SPTAN1: variants seen among roughly 807,000 people sequenced by gnomAD.
SPTAN1 encodes the protein spectrin alpha, non-erythrocytic 1, also known as spectrin alpha chain, non-erythrocytic 1.
A neutral mutation model predicts 331.3 loss-of-function variants in SPTAN1; 61 were observed. That is an observed-to-expected ratio of 0.18 (90% CI 0.15 to 0.23). The LOEUF is 0.23. Among genes scored for constraint, SPTAN1 ranks in the 10% least tolerant of loss-of-function variants. The pLI, the probability that SPTAN1 is intolerant of heterozygous loss-of-function variation, is 1.00. For missense variants in SPTAN1, 2,043 were observed against 3,147.9 expected, an observed-to-expected ratio of 0.65 and a Z score of 8.40; for synonymous variants, 1,153 against 1,173.9, an observed-to-expected ratio of 0.98 and a Z score of 0.36.
chr9:128,576,723 T>C, intron 5 of SPTAN1, 100 bp from the exon 6 acceptor site: 2 of 1,453,980 alleles, frequency 1.4e-6, no homozygotes, highest in Non-Finnish European at 1.9e-6. Flanking sequence ...CTCTTCAGAG[T>C]GGTGATTTGC....
At chr9:128,624,204 C>A in intron 45 of SPTAN1, 124 bp from the exon 46 acceptor site, 1 of 1,065,716 alleles carries the variant, frequency 9.4e-7, no homozygotes, top group Non-Finnish European at 1.4e-6. Context: ...TCATTGTTTA[C>A]CCAGCAGTGG....
chr9:128,604,962 A>G lies in SPTAN1; in HGVS notation c.3720-72A>G. 8 of 1,432,588 alleles carry G rather than the reference A, an allele frequency of 5.6e-6. No homozygotes were observed. In the South Asian group the frequency reaches 9.1e-5, roughly 16 times the overall value. The allele number at this position is 1,432,588 out of a possible 1,614,324, so 88.7% of individuals were successfully genotyped here. On this transcript the variant is annotated intron_variant, in intron 29 of 56. Transcript: ENST00000372739. ...AATAAATAAATAAATAAATAAATAA[A>G]TTTTTTTTAGTGTCCTGTAATCAAG...
intron 1 of SPTAN1, among the ~76,000 whole-genome samples, chr9:128,562,341 T>G (rs1445789437): frequency 6.6e-6 from 1 of 152,118 alleles, no homozygotes; most frequent in African/African-American, 2.4e-5. Context: ...GACCTTGTGA[T>G]CCACCTGCCT....
At chr9:128,600,267 C>A in intron 27 of SPTAN1, 152 bp downstream of exon 27, 1 of 851,590 alleles carries the variant, frequency 1.2e-6, no homozygotes, top group Non-Finnish European at 2.0e-6. Context: ...TCTGTTAACT[C>A]TAAAATGTGA....
chr9:128,600,121 A>AT lies in SPTAN1; in HGVS notation c.3579+6_3579+7insT. On this transcript the variant is annotated splice_region_variant and intron_variant, in intron 27 of 56. Transcript: ENST00000372739. Reference sequence around the variant, plus strand: ...AGACAGCCTCCCCGTGGAAGGTAAGAACTCCTTTGCAAATTATTGTTTTCA... The same window carrying AT: ...AGACAGCCTCCCCGTGGAAGGTAAGATACTCCTTTGCAAATTATTGTTTTCA... 6.2e-7 allele frequency: 1 copy of AT among 1,614,110 alleles called. No homozygotes were observed. Among genetic ancestry groups the AT allele is most frequent in the Non-Finnish European group, 8.5e-7 (1 of 1,179,952 alleles).
At chr9:128,624,952 A>G in intron 46 of SPTAN1, 151 bp from the exon 47 acceptor site, 1 of 743,350 alleles carries the variant, frequency 1.3e-6, no homozygotes, top group Non-Finnish European at 2.4e-6. Flanking sequence ...GGGTGCAGGG[A>G]GGGGCCTGCT....
chr9:128,611,725 G>A lies in SPTAN1; in HGVS notation c.4785G>A (p.Gln1595=), dbSNP rs746824729. 3.2e-5 allele frequency: 52 copies of A among 1,613,994 alleles called. No individual in the cohort carries two copies. In the East Asian group the frequency reaches 1.2e-3, roughly 36 times the overall value. ...IQLSKLLSKH[Q]KHQAFEAELH... ...TTTGGTATTTTTAGAGCAAGCACCA[G>A]AAGCACCAGGCTTTTGAAGCAGAGC... Residue 1595 remains glutamine (Q), a synonymous_variant, in exon 38 of 57, where the codon CAG becomes CAA. Coordinates refer to ENST00000372739, the MANE Select transcript of SPTAN1 (RefSeq NM_001130438.3).
intron 22 of SPTAN1, among the ~76,000 whole-genome samples, chr9:128,592,054 C>A (rs1485376854): frequency 6.6e-6 from 1 of 152,108 alleles, no homozygotes; most frequent in African/African-American, 2.4e-5. Context: ...TAGCTGAGCC[C>A]CCATATTGCC....
intron 40 of SPTAN1, 47 bp downstream of exon 40, chr9:128,613,532 C>T: frequency 2.1e-6 from 3 of 1,453,010 alleles, no homozygotes; most frequent in Non-Finnish European, 1.9e-6. Context: ...GGACACAGCT[C>T]TGCCTGACTC....
intron 44 of SPTAN1, among the ~76,000 whole-genome samples, chr9:128,619,695 T>C (rs1393850996): frequency 6.6e-6 from 1 of 152,246 alleles, no homozygotes; most frequent in Non-Finnish European, 1.5e-5. Flanking sequence ...GCAAAGATCT[T>C]GTTTCCACAT....
intron 1 of SPTAN1, among the ~76,000 whole-genome samples, chr9:128,562,369 G>A (rs139452213): frequency 5.9e-5 from 9 of 152,272 alleles, no homozygotes; most frequent in African/African-American, 1.7e-4. Context: ...CCAAAGTGCT[G>A]GGATTACAGG....
In SPTAN1 at chr9:128,595,341, C is replaced by T. The variant is rs551516462; in HGVS notation, c.3414+968C>T. ...GCCAGCCTGGTCTTGAACTCCTGGC[C>T]TCAAGTGATCTGCCCACCTCAGCTT... On this transcript the variant is annotated intron_variant, in intron 24 of 56. Transcript: ENST00000372739. Among the ~76,000 whole-genome samples, 4 of 152,280 alleles carry T rather than the reference C, an allele frequency of 2.6e-5. No individual in the cohort carries two copies. The South Asian group carries it at 8.3e-4, about 32-fold the overall frequency.
chr9:128,578,836 A>G (rs1042482935), intron 9 of SPTAN1, among the ~76,000 whole-genome samples: 48 of 658 alleles, frequency 0.073, no homozygotes, highest in Admixed American at 0.19. Flanking sequence ...TGTCTCAAAG[A>G]AAAAAAAAAA....
chr9:128,618,189 G>T, intron 43 of SPTAN1, 81 bp downstream of exon 43: 1 of 1,589,774 alleles, frequency 6.3e-7, no homozygotes, highest in Non-Finnish European at 8.6e-7. Flanking sequence ...TGGGGGTCCA[G>T]TGGGCCCTCC....
At chr9:128,626,724 C>G in intron 49 of SPTAN1, 37 bp downstream of exon 49, 2 of 1,570,058 alleles carry the variant, frequency 1.3e-6, no homozygotes, top group African/African-American at 1.3e-5. Context: ...TGCTCGGCCT[C>G]CCAGAGCCCT....
intron 56 of SPTAN1, 28 bp downstream of exon 56, chr9:128,632,983 G>C: frequency 6.2e-7 from 1 of 1,608,026 alleles, no homozygotes; most frequent in African/African-American, 1.3e-5. Flanking sequence ...TGGGTGAAGA[G>C]GTGTCCTTTG....
At chr9:128,572,622 G>A (rs1850862491) in intron 3 of SPTAN1, among the ~76,000 whole-genome samples, 1 of 152,200 alleles carries the variant, frequency 6.6e-6, no homozygotes, top group African/African-American at 2.4e-5. Context: ...CAGTTACTAT[G>A]GTGATCTTGG....
At position 128,627,380 on chromosome 9, in the gene SPTAN1, C is replaced by A. The variant is rs1396482370; in HGVS notation, c.6577-6C>A. ...CGCACAGCATCTGCCCCCCTTTGGC[C>A]CTCAGGAGAGGGAGCTGGAGCTGCA... is the stretch of plus-strand genomic sequence containing the variant. On this transcript the variant is annotated splice_region_variant and splice_polypyrimidine_tract_variant and intron_variant, in intron 49 of 56. Transcript: ENST00000372739. The surrounding 1 kb of genome is among the most constrained non-coding windows in gnomAD (Gnocchi z 4.9). 6.4e-7 allele frequency: 1 copy of A among 1,551,054 alleles called. No homozygotes were observed. Among genetic ancestry groups the A allele is most frequent in the Non-Finnish European group, 8.7e-7 (1 of 1,146,858 alleles).
chr9:128,601,763 C>T (rs561169602), intron 27 of SPTAN1, among the ~76,000 whole-genome samples: 2 of 152,150 alleles, frequency 1.3e-5, no homozygotes, highest in African/African-American at 2.4e-5. Flanking sequence ...CCTTTGAACC[C>T]GCTCAGTCAC....
Sources: allele counts gnomAD v4.1 joint callset (sites outside exome capture counted in the v4.1 genomes callset), GRCh38; gene constraint gnomAD v4.1.1; non-coding constraint Gnocchi (gnomAD v3.1); transcripts MANE v1.5; gene names NCBI Gene and HGNC (gene_info 2026-07-23, HGNC 2026-07-21).